The following LRTM3 variants were observed in gnomAD, a reference collection of about 807,000 sequenced individuals.
LRTM3 encodes leucine-rich repeat transmembrane protein 3.
chr13:102,731,474 A>G, the LRTM3 span: 19 of 1,551,218 alleles, frequency 1.2e-5, no homozygotes, highest in Non-Finnish European at 1.6e-5. Flanking sequence ...TTTGGGAGTA[A>G]ACTGTTCTAA....
the LRTM3 span, chr13:102,740,338 C>T: frequency 6.5e-7 from 1 of 1,550,162 alleles, no homozygotes; most frequent in East Asian, 2.4e-5. Context: ...CTAGTCTATT[C>T]TTAGTTATAG....
chr13:102,741,845 G>A, the LRTM3 span: 2 of 1,550,218 alleles, frequency 1.3e-6, no homozygotes, highest in South Asian at 2.4e-5. Context: ...AATTCGTGGG[G>A]CATCGAAACT....
the LRTM3 span, chr13:102,747,674 G>C: frequency 6.4e-7 from 1 of 1,551,096 alleles, no homozygotes; most frequent in African/African-American, 1.4e-5. Flanking sequence ...CAAGTTCTCT[G>C]GCATTGTAAG....
chr13:102,749,353 C>T, the LRTM3 span: 1 of 1,551,300 alleles, frequency 6.4e-7, no homozygotes. Context: ...CAATTTGTTG[C>T]TGGCCTTGTG....
the LRTM3 span, chr13:102,740,061 A>G: frequency 6.5e-7 from 1 of 1,550,076 alleles, no homozygotes; most frequent in Non-Finnish European, 8.7e-7. Context: ...ATAGGCATGG[A>G]TGCAGAAAGA....
the LRTM3 span, among the ~76,000 whole-genome samples, chr13:102,755,875 T>TTATA: frequency 1.4e-5 from 2 of 142,838 alleles, no homozygotes; most frequent in Non-Finnish European, 3.0e-5. Context: ...CAAAAAAAGT[T>TTATA]TATATATATA....
the LRTM3 span, chr13:102,730,295 T>C: frequency 6.4e-7 from 1 of 1,551,300 alleles, no homozygotes; most frequent in Non-Finnish European, 8.7e-7. Flanking sequence ...TAAATAAGAG[T>C]TGGCTTCCAG....
the LRTM3 span, chr13:102,729,752 G>A: frequency 1.3e-6 from 2 of 1,551,804 alleles, no homozygotes; most frequent in Non-Finnish European, 1.7e-6. Context: ...CAATCTTTCT[G>A]ACTCATAATC....
the LRTM3 span, chr13:102,730,371 C>T: frequency 6.4e-7 from 1 of 1,550,930 alleles, no homozygotes; most frequent in Non-Finnish European, 8.7e-7. Context: ...GCTGGACTCT[C>T]AATATCTGTC....
chr13:102,747,310 T>C, the LRTM3 span: 1 of 1,549,758 alleles, frequency 6.5e-7, no homozygotes, highest in Non-Finnish European at 8.7e-7. Context: ...CAATTTTATC[T>C]TGCAGTATCT....
the LRTM3 span, chr13:102,749,151 T>A: frequency 6.4e-7 from 1 of 1,550,722 alleles, no homozygotes; most frequent in Non-Finnish European, 8.7e-7. Flanking sequence ...AACTCATTCC[T>A]ATTTTTTAAA....
chr13:102,749,646 A>G, the LRTM3 span: 1 of 1,551,418 alleles, frequency 6.4e-7, no homozygotes, highest in South Asian at 1.2e-5. Flanking sequence ...CTGCTAGAAA[A>G]TGGCTTCTTC....
the LRTM3 span, chr13:102,741,092 T>G: frequency 6.5e-7 from 1 of 1,550,058 alleles, no homozygotes; most frequent in Non-Finnish European, 8.7e-7. Flanking sequence ...AATATAAAGT[T>G]GATGCAATAT....
At chr13:102,751,502 T>C in the LRTM3 span, among the ~76,000 whole-genome samples, 10 of 152,044 alleles carry the variant, frequency 6.6e-5, no homozygotes, top group African/African-American at 2.2e-4. Context: ...GTTTTGAAGG[T>C]GGGGTCAAAA....
the LRTM3 span, chr13:102,740,246 A>G: frequency 6.5e-7 from 1 of 1,549,406 alleles, no homozygotes; most frequent in Non-Finnish European, 8.7e-7. Context: ...TGCATATTTT[A>G]TAGTTTTATG....
the LRTM3 span, chr13:102,744,124 C>A: frequency 1.3e-6 from 2 of 1,550,632 alleles, 1 homozygote; most frequent in South Asian, 2.4e-5. Context: ...TCCCTTTCAT[C>A]TTGTACTTAA....
chr13:102,733,039 T>C, the LRTM3 span: 1 of 1,551,468 alleles, frequency 6.4e-7, no homozygotes, highest in Non-Finnish European at 8.7e-7. Context: ...TATCCATGTG[T>C]ATTCCTGGTA....
the LRTM3 span, chr13:102,736,350 C>T: frequency 1.7e-3 from 2,627 of 1,551,096 alleles, 41 homozygotes; most frequent in Admixed American, 0.03. Flanking sequence ...TGTGGAGGTG[C>T]TGATGTCTTT....
chr13:102,734,281 T>G, the LRTM3 span: 9 of 1,551,310 alleles, frequency 5.8e-6, no homozygotes, highest in Admixed American at 1.6e-4. Flanking sequence ...CATCTGCTGT[T>G]TTCTCTGTAT....
Sources: gnomAD v4.1 joint callset for allele counts (sites outside exome capture counted in the v4.1 genomes callset) on GRCh38, gnomAD v4.1.1 for gene constraint, MANE v1.5 for transcripts, NCBI Gene and HGNC (gene_info 2026-07-23, HGNC 2026-07-21) for gene names.